The following GRK5 variants were observed in gnomAD, a reference collection of about 807,000 sequenced individuals.
GRK5 encodes g protein-coupled receptor kinase GRK5.
Under a neutral mutation model 78.4 loss-of-function variants are expected in GRK5, and 40 were observed. That is an observed-to-expected ratio of 0.51 (90% CI 0.40 to 0.66). GRK5 has a LOEUF of 0.66. Ranked by LOEUF, GRK5 falls within the 30% of genes least tolerant of loss-of-function variation. GRK5 has a pLI of 0.00. For missense variants in GRK5, 598 were observed against 759.9 expected (o/e 0.79, Z 2.50); for synonymous variants, 289 against 296.8 (o/e 0.97, Z 0.27).
At chr10:119,231,327 T>G (rs1848825201) in intron 1 of GRK5, among the ~76,000 whole-genome samples, 1 of 152,014 alleles carries the variant, frequency 6.6e-6, no homozygotes, top group Non-Finnish European at 1.5e-5. Context: ...AACCAAATAC[T>G]GCTGTACCCC....
At chr10:119,315,432 C>CA (rs1473715412) in intron 1 of GRK5, among the ~76,000 whole-genome samples, 1 of 152,068 alleles carries the variant, frequency 6.6e-6, no homozygotes, top group Non-Finnish European at 1.5e-5. Context: ...CTGGGGGTGG[C>CA]AAAGGTGGCA....
chr10:119,247,726 G>C (rs1186156709), intron 1 of GRK5, among the ~76,000 whole-genome samples: 1 of 152,140 alleles, frequency 6.6e-6, no homozygotes, highest in Admixed American at 6.6e-5. Context: ...TGTTTAGAGG[G>C]GGCCACATGG....
chr10:119,247,629 A>G (rs373771527), intron 1 of GRK5, among the ~76,000 whole-genome samples: 3 of 152,184 alleles, frequency 2.0e-5, no homozygotes, highest in African/African-American at 7.2e-5. Context: ...TTTATTTACT[A>G]TAGTTTATGC....
intron 2 of GRK5, among the ~76,000 whole-genome samples, chr10:119,375,729 C>T (rs991373486): frequency 1.3e-5 from 2 of 152,222 alleles, no homozygotes; most frequent in Non-Finnish European, 2.9e-5. Flanking sequence ...ATCCCGCCTT[C>T]CCAGGCCAGC....
In GRK5 at chr10:119,430,447, A is replaced by G. The variant is rs1589806333; in HGVS notation, c.597+9A>G. ...AAGGGGGCTTCGGGGAGGTGAGTGA[A>G]CATTCACGTTTTTAATTGAAAGTTC... is the stretch of plus-strand genomic sequence containing the variant. On this transcript the variant is annotated intron_variant, in intron 7 of 15. Transcript: ENST00000392870. This position sits in a 1 kb window ranked among gnomAD's most constrained non-coding sequence, Gnocchi z 4.5. The G allele has an allele frequency of 6.2e-7, 1 of 1,608,880 alleles. No individual in the cohort carries two copies. The highest frequency in any genetic ancestry group is 2.2e-5 in the East Asian group (1 of 44,710).
intron 4 of GRK5, among the ~76,000 whole-genome samples, chr10:119,405,430 A>G (rs1200801786): frequency 1.3e-5 from 2 of 152,158 alleles, no homozygotes; most frequent in African/African-American, 4.8e-5. Flanking sequence ...GTTACCCATC[A>G]GCCTGTTTCC....
At chr10:119,208,940 C>T (rs561878436) in intron 1 of GRK5, among the ~76,000 whole-genome samples, 1 of 151,564 alleles carries the variant, frequency 6.6e-6, no homozygotes, top group African/African-American at 2.4e-5. Context: ...GATTTGAGCT[C>T]TAGTGTGCGA....
At chr10:119,314,750 C>T (rs1405344579) in intron 1 of GRK5, among the ~76,000 whole-genome samples, 2 of 152,224 alleles carry the variant, frequency 1.3e-5, no homozygotes, top group Non-Finnish European at 1.5e-5. Context: ...TGGGAGCAGT[C>T]TCCTCCTGAC....
intron 1 of GRK5, among the ~76,000 whole-genome samples, chr10:119,304,971 T>C (rs1850249876): frequency 6.6e-6 from 1 of 151,918 alleles, no homozygotes; most frequent in Non-Finnish European, 1.5e-5. Flanking sequence ...CTTTCATCTC[T>C]CCCTTCCCTC....
intron 12 of GRK5, among the ~76,000 whole-genome samples, chr10:119,446,754 G>A (rs1240038435): frequency 2.6e-5 from 4 of 152,198 alleles, no homozygotes; most frequent in African/African-American, 7.2e-5. Context: ...GGAACCTGGT[G>A]CTGGCCCTGA....
intron 4 of GRK5, among the ~76,000 whole-genome samples, chr10:119,405,862 A>G (rs1189640041): frequency 2.6e-5 from 4 of 152,222 alleles, no homozygotes; most frequent in Non-Finnish European, 4.4e-5. Context: ...ATTTTCTTTA[A>G]ATCAACTTAT....
chr10:119,332,468 T>C (rs1346154178), intron 2 of GRK5, among the ~76,000 whole-genome samples: 2 of 152,198 alleles, frequency 1.3e-5, no homozygotes, highest in Non-Finnish European at 2.9e-5. Flanking sequence ...CTGCAACAAC[T>C]GATAGGAATG....
chr10:119,395,907 G>A (rs1852043123), intron 3 of GRK5, among the ~76,000 whole-genome samples: 1 of 152,134 alleles, frequency 6.6e-6, no homozygotes, highest in Non-Finnish European at 1.5e-5. Context: ...TCCACCTACA[G>A]ACGAGGGGTT....
chr10:119,441,953 C>G (rs1233148596), intron 10 of GRK5, 46 bp from the exon 11 acceptor site: 3 of 1,500,226 alleles, frequency 2.0e-6, no homozygotes, highest in Non-Finnish European at 1.9e-6. Context: ...GGCCGGGTGC[C>G]CATGCGGCTG....
intron 3 of GRK5, among the ~76,000 whole-genome samples, chr10:119,391,505 T>C (rs1043258028): frequency 2.6e-5 from 4 of 152,186 alleles, no homozygotes; most frequent in African/African-American, 4.8e-5. Context: ...CAGTAGCTGC[T>C]GATGCAACAC....
At chr10:119,269,616 A>C (rs1175514101) in intron 1 of GRK5, among the ~76,000 whole-genome samples, 1 of 151,950 alleles carries the variant, frequency 6.6e-6, no homozygotes, top group Non-Finnish European at 1.5e-5. Flanking sequence ...GGATCACCTG[A>C]GGTCAGGAGT....
At chr10:119,249,145 C>T (rs1338144774) in intron 1 of GRK5, among the ~76,000 whole-genome samples, 2 of 152,022 alleles carry the variant, frequency 1.3e-5, no homozygotes, top group African/African-American at 2.4e-5. Context: ...GTGGCGGGTG[C>T]CTGTAATCCC....
rs1391833873 is a variant in GRK5 at position 119,436,670 on chromosome 10, A to T, written c.758A>T (p.Tyr253Phe). 1 of 1,614,162 alleles carries T rather than the reference A, an allele frequency of 6.2e-7. No homozygotes were observed. Among genetic ancestry groups the T allele is most frequent in the Non-Finnish European group, 8.5e-7 (1 of 1,180,014 alleles). Residue 253 changes from tyrosine (Y) to phenylalanine (F), a missense_variant, in exon 9 of 16, where the codon TAC (tyrosine) becomes TTC (phenylalanine). By Grantham distance (22) the Tyr-to-Phe change is conservative. Transcript: ENST00000392870. ...TCCCAGGTCAACCTGGCCTATGCCTACGAGACCAAGGATGCACTGTGCTTG... is the reference window on the plus strand; with the variant it reads ...TCCCAGGTCAACCTGGCCTATGCCTTCGAGACCAAGGATGCACTGTGCTTG... ...SQFVVNLAYAYETKDALCLVL... is the reference protein window; with the variant it reads ...SQFVVNLAYAFETKDALCLVL...
At chr10:119,239,210 T>C (rs775204638) in intron 1 of GRK5, among the ~76,000 whole-genome samples, 1 of 150,580 alleles carries the variant, frequency 6.6e-6, no homozygotes, top group South Asian at 2.1e-4. Context: ...TTCTGTCACA[T>C]GGGGCAGGTC....
Sources: allele counts gnomAD v4.1 joint callset (sites outside exome capture counted in the v4.1 genomes callset), GRCh38; gene constraint gnomAD v4.1.1; non-coding constraint Gnocchi (gnomAD v3.1); transcripts MANE v1.5; gene names NCBI Gene and HGNC (gene_info 2026-07-23, HGNC 2026-07-21).